The following PIGU variants were observed in gnomAD, a reference collection of about 807,000 sequenced individuals.
PIGU encodes the protein phosphatidylinositol glycan anchor biosynthesis class U, also known as GPI-anchor transamidase component PIGU.
PIGU carries 24 observed loss-of-function variants against 49.9 expected under a neutral mutation model. That is an observed-to-expected ratio of 0.48 (90% CI 0.35 to 0.68). PIGU has a LOEUF of 0.68. Among genes scored for constraint, PIGU ranks in the 30% least tolerant of loss-of-function variants. The pLI, the probability that PIGU is intolerant of heterozygous loss-of-function variation, is 0.01. For synonymous variants in PIGU, 220 were observed against 205.7 expected, an observed-to-expected ratio of 1.07 and a Z score of -0.59; for missense variants, 490 against 532.6, an observed-to-expected ratio of 0.92 and a Z score of 0.79.
chr20:34,583,944 T>G (rs1983590673), intron 9 of PIGU, among the ~76,000 whole-genome samples: 1 of 152,234 alleles, frequency 6.6e-6, no homozygotes, highest in African/African-American at 2.4e-5. Context: ...TCAAACTCTT[T>G]CAGGTTCCCC....
intron 6 of PIGU, among the ~76,000 whole-genome samples, chr20:34,618,767 A>T (rs1342266128): frequency 1.3e-5 from 2 of 152,198 alleles, no homozygotes; most frequent in Non-Finnish European, 2.9e-5. Flanking sequence ...AGCCTGGGTG[A>T]CAGAGTAAGA....
At chr20:34,611,648 G>GAAAA (rs146531122) in intron 7 of PIGU, among the ~76,000 whole-genome samples, 3 of 65,006 alleles carry the variant, frequency 4.6e-5, no homozygotes, top group Non-Finnish European at 6.1e-5. Context: ...TCAAGTCTCA[G>GAAAA]AAAAAAAAAA....
intron 7 of PIGU, among the ~76,000 whole-genome samples, chr20:34,593,224 C>T (rs1984061538): frequency 6.6e-6 from 1 of 152,002 alleles, no homozygotes; most frequent in South Asian, 2.1e-4. Context: ...GTAGTCCCAG[C>T]TACTCCAGAG....
chr20:34,650,180 T>C (rs192720221), intron 2 of PIGU, among the ~76,000 whole-genome samples: 94 of 152,296 alleles, frequency 6.2e-4, no homozygotes, highest in African/African-American at 2.2e-3. Flanking sequence ...TTTCTATTTC[T>C]AGAATTTCCG....
chr20:34,612,257 G>A (rs538549538), intron 7 of PIGU, among the ~76,000 whole-genome samples: 7 of 152,098 alleles, frequency 4.6e-5, no homozygotes, highest in Non-Finnish European at 7.4e-5. Flanking sequence ...CACAGGAACC[G>A]AAAACCAAAC....
At chr20:34,652,133 A>G (rs1177812600) in intron 2 of PIGU, among the ~76,000 whole-genome samples, 1 of 152,060 alleles carries the variant, frequency 6.6e-6, no homozygotes, top group Non-Finnish European at 1.5e-5. Context: ...CTGAGTAACT[A>G]CAACTACAGG....
chr20:34,583,354 A>G (rs1983563914), intron 9 of PIGU, among the ~76,000 whole-genome samples: 2 of 152,248 alleles, frequency 1.3e-5, no homozygotes, highest in Non-Finnish European at 2.9e-5. Flanking sequence ...AGCCTCCTGC[A>G]GCACTGCACA....
Position 34,560,544 on chromosome 20 carries a change from G to C in PIGU, c.*322C>G. On this transcript the variant is annotated 3_prime_UTR_variant, in exon 12 of 12. Coordinates refer to ENST00000217446, the MANE Select transcript of PIGU (RefSeq NM_080476.5). The stretch of plus-strand genomic sequence containing the variant: ...GCAATGCAGATGTGGTCTCAGGGTA[G>C]ACTTCATAACAAAAAACATTTATTA... 1.0e-5 allele frequency: 3 copies of C among 300,980 alleles called. No individual in the cohort carries two copies. The highest frequency in any genetic ancestry group is 1.8e-5 in the Non-Finnish European group (3 of 162,840). The allele number at this position is 300,980 out of a possible 1,614,324, so 18.6% of individuals were successfully genotyped here. A position where few individuals can be genotyped will look rare whatever the true frequency, so the allele number is the denominator to read the frequency against.
Position 34,560,991 on chromosome 20 carries a change from G to T in PIGU, c.1195-12C>A. On this transcript the variant is annotated splice_polypyrimidine_tract_variant and intron_variant, in intron 11 of 11. Transcript: ENST00000217446. Reference sequence around the variant, plus strand: ...GAGATGAGCAGGATCTGGGGGGAGAGAGAGGGTGTGAGGCGCTGCTGGGTA... The same window carrying T: ...GAGATGAGCAGGATCTGGGGGGAGATAGAGGGTGTGAGGCGCTGCTGGGTA... The T allele has an allele frequency of 6.4e-7, 1 of 1,566,242 alleles. No homozygotes were observed.
At chr20:34,591,152 T>C (rs909567137) in intron 7 of PIGU, among the ~76,000 whole-genome samples, 45 of 152,068 alleles carry the variant, frequency 3.0e-4, no homozygotes, top group African/African-American at 1.0e-3. Flanking sequence ...TCAGATAAAA[T>C]AGACTTTTAT....
rs1313630737 is a variant in PIGU, at chr20:34,654,163, G to A, written c.195+3017C>T. Among the ~76,000 whole-genome samples, 2 of 95,478 alleles carry A rather than the reference G, an allele frequency of 2.1e-5. 1 individual carries two copies. The highest frequency in any genetic ancestry group is 4.4e-5 in the Non-Finnish European group (2 of 45,688). 62.6% of individuals were successfully genotyped at this position (95,478 alleles called of 152,430 possible). On this transcript the variant is annotated intron_variant, in intron 2 of 11. Transcript: ENST00000217446. ...TGAGCCACCGTGCCCGGCCCTGTGTGCTTATTAAGAGTCTCTTGGCCGGGC... is the reference window on the plus strand; with the variant it reads ...TGAGCCACCGTGCCCGGCCCTGTGTACTTATTAAGAGTCTCTTGGCCGGGC...
At chr20:34,670,767 C>G (rs1987283598) in intron 1 of PIGU, among the ~76,000 whole-genome samples, 1 of 151,930 alleles carries the variant, frequency 6.6e-6, no homozygotes, top group Non-Finnish European at 1.5e-5. Flanking sequence ...TGGTCTCAAA[C>G]TCCTAAGCTC....
chr20:34,643,919 G>A (rs1986245758), intron 4 of PIGU: 1 of 317,390 alleles, frequency 3.2e-6, no homozygotes, highest in African/African-American at 2.1e-5. Context: ...ACTTGCACAG[G>A]TATGTGGATA....
At chr20:34,625,609 T>C (rs967215092) in intron 6 of PIGU, among the ~76,000 whole-genome samples, 2 of 149,968 alleles carry the variant, frequency 1.3e-5, no homozygotes, top group Non-Finnish European at 3.0e-5. Flanking sequence ...AGTTCAAGAC[T>C]AGCCTGGACA....
chr20:34,670,693 C>T (rs899867701), intron 1 of PIGU, among the ~76,000 whole-genome samples: 1 of 152,198 alleles, frequency 6.6e-6, no homozygotes, highest in Admixed American at 6.5e-5. Context: ...GCACACGCCA[C>T]CATACCCACC....
At chr20:34,660,312 C>T (rs1046323074) in intron 1 of PIGU, among the ~76,000 whole-genome samples, 6 of 152,044 alleles carry the variant, frequency 3.9e-5, no homozygotes, top group Non-Finnish European at 7.4e-5. Context: ...TTTACATGGG[C>T]GGTGGTTCAT....
intron 4 of PIGU, among the ~76,000 whole-genome samples, chr20:34,640,536 C>CACA (rs1491397690): frequency 1.3e-4 from 2 of 15,922 alleles, no homozygotes; most frequent in South Asian, 8.6e-4. Flanking sequence ...CACACACACA[C>CACA]CCCTTAAGAA....
chr20:34,668,945 C>G (rs1465117137), intron 1 of PIGU, among the ~76,000 whole-genome samples: 2 of 120,330 alleles, frequency 1.7e-5, no homozygotes, highest in Admixed American at 2.3e-4. Context: ...AGTGCAGTGG[C>G]ATGATCATAG....
chr20:34,669,033 C>T (rs552941953), intron 1 of PIGU, among the ~76,000 whole-genome samples: 11 of 151,640 alleles, frequency 7.3e-5, no homozygotes, highest in East Asian at 3.9e-4. Flanking sequence ...CACAGGTGTG[C>T]GCCACCAAAC....
Sources: gnomAD v4.1 joint callset for allele counts (sites outside exome capture counted in the v4.1 genomes callset) on GRCh38, gnomAD v4.1.1 for gene constraint, MANE v1.5 for transcripts, NCBI Gene and HGNC (gene_info 2026-07-23, HGNC 2026-07-21) for gene names.